Variants in TRAPPC9 observed in about 807,000 individuals in gnomAD.
TRAPPC9 encodes IKK2 binding protein.
TRAPPC9 carries 83 observed loss-of-function variants against 124.0 expected under a neutral mutation model. That is an observed-to-expected ratio of 0.67 (90% CI 0.56 to 0.80). The LOEUF is 0.80. Ranked by LOEUF, TRAPPC9 falls within the 30% of genes least tolerant of loss-of-function variation. The probability of loss-of-function intolerance (pLI) is 0.00; values close to 1 mark genes in which losing one functional copy is unlikely to be tolerated. For missense variants in TRAPPC9, 1,302 were observed against 1,508.3 expected (o/e 0.86, Z 2.27); for synonymous variants, 638 against 617.5 (o/e 1.03, Z -0.49).
chr8:139,991,100 T>G (rs1274792114), intron 18 of TRAPPC9, among the ~76,000 whole-genome samples: 1 of 152,246 alleles, frequency 6.6e-6, no homozygotes, highest in South Asian at 2.1e-4. Context: ...TGAAGATCTA[T>G]TCCTCTGTTG....
In TRAPPC9 at chr8:140,278,345, A is replaced by T. The variant is rs189122299; in HGVS notation, c.2115-2524T>A. Among the ~76,000 whole-genome samples, 437 of 152,230 alleles carry T rather than the reference A, an allele frequency of 2.9e-3. 1 individual carries two copies. Among genetic ancestry groups the T allele is most frequent in the African/African-American group, 9.1e-3 (378 of 41,518 alleles). Reference sequence around the variant, plus strand: ...GGTCTCGAACTCCTGACCTCAGGTGATCCACCTGCCTTGGCCTCCCAAAGT... The same window carrying T: ...GGTCTCGAACTCCTGACCTCAGGTGTTCCACCTGCCTTGGCCTCCCAAAGT... On this transcript the variant is annotated intron_variant, in intron 14 of 22. Coordinates refer to ENST00000438773, the MANE Select transcript of TRAPPC9 (RefSeq NM_001160372.4).
At chr8:140,150,245 C>CGA (rs1468094801) in intron 17 of TRAPPC9, among the ~76,000 whole-genome samples, 1 of 152,164 alleles carries the variant, frequency 6.6e-6, no homozygotes, top group Non-Finnish European at 1.5e-5. Context: ...GCCAGGAGCT[C>CGA]GAGACCAGCC....
intron 20 of TRAPPC9, among the ~76,000 whole-genome samples, chr8:139,887,183 G>A (rs1160344609): frequency 4.0e-5 from 6 of 151,774 alleles, no homozygotes; most frequent in East Asian, 3.9e-4. Context: ...CTGGGGGCTC[G>A]GGAACCTCTA....
chr8:140,340,249 G>A (rs1047172567), intron 9 of TRAPPC9, among the ~76,000 whole-genome samples: 2 of 152,210 alleles, frequency 1.3e-5, no homozygotes, highest in Non-Finnish European at 2.9e-5. Context: ...ACCTGGCTGA[G>A]AAACAATCTT....
At chr8:140,173,901 T>C (rs12682134) in intron 17 of TRAPPC9, among the ~76,000 whole-genome samples, 53,653 of 152,086 alleles carry the variant, frequency 0.35, 10,878 homozygotes, top group South Asian at 0.49. Flanking sequence ...GTGGCTCAGC[T>C]TCTCTGAGCC....
At chr8:139,916,277 A>T (rs963614592) in intron 19 of TRAPPC9, 6 of 152,216 alleles carry the variant, frequency 3.9e-5, no homozygotes, top group Non-Finnish European at 5.9e-5. Context: ...CCCACTTTGT[A>T]AGATTTTGTG....
chr8:140,005,079 T>C (rs950512472), intron 18 of TRAPPC9, among the ~76,000 whole-genome samples: 2 of 152,144 alleles, frequency 1.3e-5, no homozygotes, highest in African/African-American at 4.8e-5. Flanking sequence ...GAACAAAGAA[T>C]CAGAGGGTTT....
intron 17 of TRAPPC9, among the ~76,000 whole-genome samples, chr8:140,134,192 T>C (rs940134413): frequency 2.6e-5 from 4 of 152,240 alleles, no homozygotes; most frequent in African/African-American, 9.6e-5. Flanking sequence ...GACATAATAA[T>C]AGACACACAG....
intron 17 of TRAPPC9, among the ~76,000 whole-genome samples, chr8:140,033,669 T>TGTTTG (rs1563706662): frequency 8.2e-5 from 6 of 73,278 alleles, no homozygotes; most frequent in African/African-American, 2.0e-4. Flanking sequence ...TTTTTTTTTT[T>TGTTTG]TTTTTTTTTT....
chr8:140,152,524 C>T (rs2061562122), intron 17 of TRAPPC9, among the ~76,000 whole-genome samples: 1 of 151,230 alleles, frequency 6.6e-6, no homozygotes, highest in Non-Finnish European at 1.5e-5. Flanking sequence ...CCACGCCTGG[C>T]TAATTTTTTG....
chr8:139,977,577 C>T (rs1380292473), intron 19 of TRAPPC9, among the ~76,000 whole-genome samples: 2 of 146,856 alleles, frequency 1.4e-5, no homozygotes, highest in African/African-American at 2.5e-5. Context: ...GAGATCGCGC[C>T]ACTGCACTCC....
intron 9 of TRAPPC9, among the ~76,000 whole-genome samples, chr8:140,351,175 A>T (rs573736680): frequency 1.3e-5 from 2 of 151,822 alleles, no homozygotes; most frequent in South Asian, 4.2e-4. Context: ...AACGGATGAG[A>T]GACACAGGCC....
chr8:139,727,788 A>T lies in TRAPPC9; in HGVS notation c.*3273T>A, dbSNP rs1817633589. The stretch of plus-strand genomic sequence containing the variant: ...TCAGCATTTCCTGTCCCATTTCAGC[A>T]CCTGTGTTAGAAAGTTCTTCCTTAC... On this transcript the variant is annotated 3_prime_UTR_variant, in exon 23 of 23. Transcript: ENST00000438773. 6.6e-6 allele frequency among the ~76,000 whole-genome samples: 1 copy of T among 152,190 alleles called. No individual in the cohort carries two copies. The highest frequency in any genetic ancestry group is 6.5e-5 in the Admixed American group (1 of 15,284).
At chr8:140,127,264 C>T (rs147982076) in intron 17 of TRAPPC9, among the ~76,000 whole-genome samples, 33 of 152,266 alleles carry the variant, frequency 2.2e-4, no homozygotes, top group Admixed American at 4.6e-4. Context: ...AGCCTACCTG[C>T]GTGATGGACA....
chr8:140,423,667 T>C (rs2132535755), intron 5 of TRAPPC9, among the ~76,000 whole-genome samples: 1 of 150,728 alleles, frequency 6.6e-6, no homozygotes, highest in African/African-American at 2.4e-5. Context: ...CACACATATA[T>C]ACACATATAC....
intron 17 of TRAPPC9, among the ~76,000 whole-genome samples, chr8:140,119,383 C>A (rs1452854931): frequency 6.6e-6 from 1 of 152,212 alleles, no homozygotes; most frequent in African/African-American, 2.4e-5. Flanking sequence ...TTCCTCCCAA[C>A]CCCCTTTCCC....
intron 17 of TRAPPC9, among the ~76,000 whole-genome samples, chr8:140,217,683 C>T (rs760605164): frequency 2.0e-4 from 31 of 152,174 alleles, no homozygotes; most frequent in Non-Finnish European, 3.2e-4. Context: ...GAACACAGAT[C>T]GTGAAAGGGC....
intron 11 of TRAPPC9, among the ~76,000 whole-genome samples, chr8:140,298,515 G>A (rs1399972273): frequency 6.6e-6 from 1 of 152,088 alleles, no homozygotes; most frequent in Admixed American, 6.5e-5. Context: ...CAGTGGGTGT[G>A]GTAGTATGCA....
chr8:140,200,596 A>G (rs1303585677), intron 17 of TRAPPC9, among the ~76,000 whole-genome samples: 1 of 152,136 alleles, frequency 6.6e-6, no homozygotes, highest in East Asian at 1.9e-4. Flanking sequence ...TAAGGAAAAT[A>G]TCAGAGAAAC....
Sources: allele counts gnomAD v4.1 joint callset (sites outside exome capture counted in the v4.1 genomes callset), GRCh38; gene constraint gnomAD v4.1.1; transcripts MANE v1.5; gene names NCBI Gene and HGNC (gene_info 2026-07-23, HGNC 2026-07-21).